GARRE1: variants seen among roughly 807,000 people sequenced by gnomAD.
The protein encoded by GARRE1 is granule associated Rac and RHOG effector protein 1.
In GARRE1, 49 loss-of-function variants were observed where a neutral mutation model predicts 103.2. The observed-to-expected ratio is 0.47, with a 90% CI of 0.38 to 0.60. GARRE1 has a LOEUF of 0.60. Ranked by LOEUF, GARRE1 falls within the 20% of genes least tolerant of loss-of-function variation. The pLI, the probability that GARRE1 is intolerant of heterozygous loss-of-function variation, is 0.00. For missense variants in GARRE1, 1,199 were observed against 1,370.5 expected, an observed-to-expected ratio of 0.87 and a Z score of 1.98; for synonymous variants, 505 against 532.8, an observed-to-expected ratio of 0.95 and a Z score of 0.72.
At chr19:34,333,430 C>T (rs997546858) in intron 7 of GARRE1, among the ~76,000 whole-genome samples, 7 of 152,152 alleles carry the variant, frequency 4.6e-5, no homozygotes, top group African/African-American at 1.7e-4. Flanking sequence ...TCCTAATTAA[C>T]ATATTTATAG....
rs1377328609 is a variant in GARRE1 at position 34,300,444 on chromosome 19, TA to T, written c.-29del. 3 of 1,523,144 alleles carry T rather than the reference TA, an allele frequency of 2.0e-6. No individual in the cohort carries two copies. The Admixed American group carries it at 6.4e-5, about 33-fold the overall frequency. 94.4% of individuals were successfully genotyped at this position (1,523,144 alleles called of 1,614,324 possible). On this transcript the variant is annotated 5_prime_UTR_variant, in exon 2 of 14. Coordinates refer to ENST00000299505, the MANE Select transcript of GARRE1 (RefSeq NM_014686.5). ...AGAAGAATCAGAACCCTGACCCACTTACGGTTGCTGGGACAATTCCCCCTCC... is the reference window on the plus strand; with the variant it reads ...AGAAGAATCAGAACCCTGACCCACTTCGGTTGCTGGGACAATTCCCCCTCC...
intron 7 of GARRE1, among the ~76,000 whole-genome samples, chr19:34,330,961 G>A (rs527604550): frequency 2.0e-5 from 3 of 150,004 alleles, no homozygotes; most frequent in Middle Eastern, 3.4e-3. Flanking sequence ...GTGCAGTGGC[G>A]TGATCTCAGC....
chr19:34,286,723 G>C (rs778761273), intron 1 of GARRE1, among the ~76,000 whole-genome samples: 2 of 151,360 alleles, frequency 1.3e-5, no homozygotes, highest in Non-Finnish European at 2.9e-5. Flanking sequence ...GGATGGTCTC[G>C]ATCTCCTGAC....
intron 1 of GARRE1, among the ~76,000 whole-genome samples, chr19:34,294,671 A>G (rs927619490): frequency 9.2e-5 from 14 of 151,880 alleles, no homozygotes; most frequent in Non-Finnish European, 1.6e-4. Context: ...GTTTCTTTGC[A>G]TATCTTCCAA....
At chr19:34,275,619 T>C (rs1568525847) in intron 1 of GARRE1, among the ~76,000 whole-genome samples, 1 of 152,246 alleles carries the variant, frequency 6.6e-6, no homozygotes, top group Non-Finnish European at 1.5e-5. Context: ...GTTTGTCCAT[T>C]TGTCAATTGA....
At chr19:34,309,161 A>C (rs1049857204) in intron 2 of GARRE1, among the ~76,000 whole-genome samples, 1 of 152,166 alleles carries the variant, frequency 6.6e-6, no homozygotes, top group Non-Finnish European at 1.5e-5. Flanking sequence ...GTAGTGACGC[A>C]AGTTATGCAA....
At chr19:34,278,115 C>T (rs1304971719) in intron 1 of GARRE1, among the ~76,000 whole-genome samples, 1 of 151,830 alleles carries the variant, frequency 6.6e-6, no homozygotes, top group Non-Finnish European at 1.5e-5. Flanking sequence ...CAGCCATCAC[C>T]ACCATCCATC....
Position 34,347,882 on chromosome 19 carries a change from T to C in GARRE1, c.2527T>C (p.Ser843Pro), listed in dbSNP as rs2074219301. 7 of 1,553,632 alleles carry C rather than the reference T, an allele frequency of 4.5e-6. No homozygotes were observed. In the South Asian group the frequency reaches 4.7e-5, roughly 11 times the overall value. ...EILPFDPAVG[S>P]DPEFARYVAG... The stretch of plus-strand genomic sequence containing the variant: ...ATTCCTTTGTCCCAATGCAGTGGGC[T>C]CAGACCCAGAGTTTGCACGCTATGT... Residue 843 changes from serine to proline, a missense_variant, in exon 11 of 14, where the codon TCA becomes CCA. Transcript: ENST00000299505.
intron 2 of GARRE1, among the ~76,000 whole-genome samples, chr19:34,313,505 C>T (rs920308117): frequency 2.0e-5 from 3 of 152,168 alleles, no homozygotes; most frequent in Non-Finnish European, 4.4e-5. Context: ...TGTCTCAGTG[C>T]GGCAACATGG....
At chr19:34,350,972 GCA>G (rs1393147882) in intron 12 of GARRE1, among the ~76,000 whole-genome samples, 13 of 151,878 alleles carry the variant, frequency 8.6e-5, no homozygotes, top group Non-Finnish European at 1.9e-4. Context: ...GCTTAGGCGG[GCA>G]GATCACCTGA....
intron 2 of GARRE1, among the ~76,000 whole-genome samples, chr19:34,308,942 A>G (rs950534542): frequency 6.6e-6 from 1 of 152,176 alleles, no homozygotes; most frequent in Non-Finnish European, 1.5e-5. Context: ...TGGGAGAATC[A>G]GGCCTTCCGC....
intron 1 of GARRE1, among the ~76,000 whole-genome samples, chr19:34,258,223 C>G (rs1363545755): frequency 6.6e-6 from 1 of 152,106 alleles, no homozygotes; most frequent in Non-Finnish European, 1.5e-5. Flanking sequence ...TGTGACTGCA[C>G]TTTCTCATTT....
intron 1 of GARRE1, among the ~76,000 whole-genome samples, chr19:34,290,311 G>C (rs2073910544): frequency 6.6e-6 from 1 of 151,872 alleles, no homozygotes; most frequent in Non-Finnish European, 1.5e-5. Flanking sequence ...AACCAAGATT[G>C]CACCACTGTA....
chr19:34,329,895 T>C (rs2074129554), intron 6 of GARRE1, among the ~76,000 whole-genome samples: 1 of 151,626 alleles, frequency 6.6e-6, no homozygotes. Flanking sequence ...CTGGGCAACA[T>C]AGCAAGACTC....
rs750617852 is a variant in GARRE1, at chr19:34,296,232, G to C, written c.-795-3447G>C. ...CCCCATGCAGACGGCAGCCCGAGGG[G>C]GTCGCAGCAGTCCTTCTGTTCTCAC... On this transcript the variant is annotated intron_variant, in intron 1 of 13. Transcript: ENST00000299505. 8 of 605,574 alleles carry C rather than the reference G, an allele frequency of 1.3e-5. No individual in the cohort carries two copies. In the Admixed American group the frequency reaches 2.0e-4, roughly 15 times the overall value. 37.5% of individuals were successfully genotyped at this position (605,574 alleles called of 1,614,324 possible). A position where few individuals can be genotyped will look rare whatever the true frequency, so the allele number is the denominator to read the frequency against.
In GARRE1 at chr19:34,327,857, A is replaced by C; in HGVS notation, c.933A>C (p.Ala311=). The part of the protein sequence containing the change: ...GFHLNPKAIE[A]SLQGCCSEAE... ...ACCTGAATCCAAAGGCGATTGAAGC[A>C]AGTTTGCAGGTACACTTTTCCTTCC... is the stretch of plus-strand genomic sequence containing the variant. The change falls in exon 5 of 14, where the codon GCA becomes GCC. Residue 311 remains alanine, a synonymous_variant. Coordinates refer to ENST00000299505, the MANE Select transcript of GARRE1 (RefSeq NM_014686.5). The C allele has an allele frequency of 6.2e-7, 1 of 1,614,218 alleles. No homozygotes were observed. The highest frequency in any genetic ancestry group is 8.5e-7 in the Non-Finnish European group (1 of 1,180,006).
Position 34,330,194 on chromosome 19 carries a change from A to C in GARRE1, c.1110A>C (p.Thr370=). 2 of 1,613,904 alleles carry C rather than the reference A, an allele frequency of 1.2e-6. No individual in the cohort carries two copies. The highest frequency in any genetic ancestry group is 1.7e-6 in the Non-Finnish European group (2 of 1,179,844). The change falls in exon 7 of 14, where the codon ACA becomes ACC. Residue 370 remains threonine, a synonymous_variant. Coordinates refer to ENST00000299505, the MANE Select transcript of GARRE1 (RefSeq NM_014686.5). The stretch of plus-strand genomic sequence containing the variant: ...CTCTTCTTATCAATCTATAGCATAC[A>C]ATGTTACAGCTGATGAAGGAGGCAG... ...AADNLKLKTH[T]MLQLMKEAGC...
At chr19:34,268,257 A>G (rs895466015) in intron 1 of GARRE1, among the ~76,000 whole-genome samples, 6 of 152,036 alleles carry the variant, frequency 3.9e-5, no homozygotes, top group African/African-American at 1.4e-4. Flanking sequence ...CCTTCCTTTT[A>G]CCTGAACAAA....
At chr19:34,292,336 C>T (rs1405441365) in intron 1 of GARRE1, among the ~76,000 whole-genome samples, 2 of 152,090 alleles carry the variant, frequency 1.3e-5, no homozygotes, top group African/African-American at 2.4e-5. Flanking sequence ...ATAAATAATC[C>T]ATTATATGTC....
Sources: gnomAD v4.1 joint callset for allele counts (sites outside exome capture counted in the v4.1 genomes callset) on GRCh38, gnomAD v4.1.1 for gene constraint, MANE v1.5 for transcripts, NCBI Gene and HGNC (gene_info 2026-07-23, HGNC 2026-07-21) for gene names.